NKAIN3: variants seen among roughly 807,000 people sequenced by gnomAD.
NKAIN3 encodes the protein sodium/potassium-transporting ATPase subunit beta-1-interacting protein 3.
NKAIN3 carries 25 observed loss-of-function variants against 30.2 expected under a neutral mutation model. The ratio of observed to expected loss-of-function variants is 0.83; its 90% CI spans 0.60 to 1.16. The LOEUF (loss-of-function observed/expected upper bound fraction) is 1.16, where lower values mean the gene tolerates loss of function less well. NKAIN3 is among the 50% of genes most tolerant of loss of function. The pLI is 0.00. For synonymous variants in NKAIN3, 91 were observed against 89.6 expected (o/e 1.02, Z -0.09); for missense variants, 225 against 254.1 (o/e 0.89, Z 0.78).
intron 1 of NKAIN3, among the ~76,000 whole-genome samples, chr8:62,358,625 A>T (rs1816435999): frequency 6.6e-6 from 1 of 152,210 alleles, no homozygotes. Context: ...GGATTCTCAG[A>T]CACAAATTGT....
At chr8:62,373,894 C>A (rs1270590265) in intron 1 of NKAIN3, among the ~76,000 whole-genome samples, 1 of 151,970 alleles carries the variant, frequency 6.6e-6, no homozygotes, top group East Asian at 1.9e-4. Flanking sequence ...AGGCAGATTT[C>A]CTGAGCTCAG....
chr8:62,572,066 C>T (rs1809961268), intron 1 of NKAIN3, among the ~76,000 whole-genome samples: 1 of 152,118 alleles, frequency 6.6e-6, no homozygotes, highest in Non-Finnish European at 1.5e-5. Flanking sequence ...ATGGGATTTT[C>T]TTTTCTATTG....
At chr8:62,433,415 T>C (rs572348115) in intron 1 of NKAIN3, among the ~76,000 whole-genome samples, 1 of 152,244 alleles carries the variant, frequency 6.6e-6, no homozygotes, top group African/African-American at 2.4e-5. Flanking sequence ...CAATCTCAAG[T>C]ATCAGTTTCT....
At chr8:62,296,843 G>A (rs1813847008) in intron 1 of NKAIN3, among the ~76,000 whole-genome samples, 4 of 152,014 alleles carry the variant, frequency 2.6e-5, no homozygotes, top group Admixed American at 2.0e-4. Flanking sequence ...ATTCCAATAT[G>A]TAGCCCTTGG....
At chr8:62,848,286 A>G (rs1355826879) in intron 4 of NKAIN3, among the ~76,000 whole-genome samples, 4 of 152,300 alleles carry the variant, frequency 2.6e-5, no homozygotes, top group East Asian at 1.9e-4. Flanking sequence ...TTTTCACGAT[A>G]TTGATTCTAT....
At chr8:62,881,337 C>G (rs1428229616) in intron 4 of NKAIN3, among the ~76,000 whole-genome samples, 3 of 152,182 alleles carry the variant, frequency 2.0e-5, no homozygotes, top group Admixed American at 1.3e-4. Flanking sequence ...TTTTACTATA[C>G]TCATATTTTT....
chr8:62,855,801 A>G (rs1820043827), intron 4 of NKAIN3: 1 of 997,012 alleles, frequency 1.0e-6, no homozygotes, highest in African/African-American at 1.6e-5. Context: ...AGCAAAGAGT[A>G]AAAAGACAAG....
In NKAIN3 at chr8:62,480,532, TA is replaced by T. The variant is rs59515372; in HGVS notation, c.55-98990del. ...GTTAGGAAGGAAGCAATGTTTGGATTAAAAAAAAAAAAAAAAAGGAATAGAG... is the reference window on the plus strand; with the variant it reads ...GTTAGGAAGGAAGCAATGTTTGGATTAAAAAAAAAAAAAAAAGGAATAGAG... On this transcript the variant is annotated intron_variant, in intron 1 of 6. Coordinates refer to ENST00000623646, the MANE Select transcript of NKAIN3 (RefSeq NM_001304533.3). Among the ~76,000 whole-genome samples, 1,179 of 137,464 alleles carry T rather than the reference TA, an allele frequency of 8.6e-3. 7 individuals are homozygous for T. The highest frequency in any genetic ancestry group is 0.026 in the African/African-American group (959 of 37,024). 90.2% of individuals were successfully genotyped at this position (137,464 alleles called of 152,430 possible).
chr8:62,934,868 G>T (rs1822733982), intron 5 of NKAIN3, among the ~76,000 whole-genome samples: 1 of 152,064 alleles, frequency 6.6e-6, no homozygotes, highest in Non-Finnish European at 1.5e-5. Context: ...AGCAATGCCA[G>T]TCAAAAGCTA....
chr8:62,661,145 C>T (rs6472039), intron 3 of NKAIN3, among the ~76,000 whole-genome samples: 73,231 of 152,044 alleles, frequency 0.48, 20,726 homozygotes, highest in African/African-American at 0.79. Context: ...GAAGCACGTA[C>T]GCCATCCTTC....
At chr8:62,285,272 T>C (rs1464434836) in intron 1 of NKAIN3, among the ~76,000 whole-genome samples, 1 of 152,158 alleles carries the variant, frequency 6.6e-6, no homozygotes, top group African/African-American at 2.4e-5. Context: ...AAATAATGCT[T>C]CTATTGGGTT....
chr8:62,779,449 CTGAG>C lies in NKAIN3; in HGVS notation c.471+32322_471+32325del, dbSNP rs1817289495. ...ATAAATGCTCCCTACATGGTGTCAGCTGAGTTTTTTCCAGTGTTGCTTTCCACTG... is the reference window on the plus strand; with the variant it reads ...ATAAATGCTCCCTACATGGTGTCAGCTTTTTTCCAGTGTTGCTTTCCACTG... On this transcript the variant is annotated intron_variant, in intron 4 of 6. Transcript: ENST00000623646. Among the ~76,000 whole-genome samples, 2 of 152,188 alleles carry C rather than the reference CTGAG, an allele frequency of 1.3e-5. 1 individual carries two copies. Among genetic ancestry groups the C allele is most frequent in the Admixed American group, 1.3e-4 (2 of 15,270 alleles).
chr8:62,988,672 T>C (rs1824255078), downstream of NKAIN3, among the ~76,000 whole-genome samples: 1 of 152,206 alleles, frequency 6.6e-6, no homozygotes, highest in Non-Finnish European at 1.5e-5. Flanking sequence ...CAGGAAACCA[T>C]TTGTTCCTTC....
chr8:62,869,279 A>T (rs1051751640), intron 4 of NKAIN3, among the ~76,000 whole-genome samples: 1 of 152,110 alleles, frequency 6.6e-6, no homozygotes, highest in Non-Finnish European at 1.5e-5. Context: ...CCCAGCATGC[A>T]TTAGATATTT....
chr8:62,263,425 G>T (rs1169350963), intron 1 of NKAIN3, among the ~76,000 whole-genome samples: 1 of 152,070 alleles, frequency 6.6e-6, no homozygotes, highest in Non-Finnish European at 1.5e-5. Context: ...TGGCCCAAAA[G>T]GAAAGGAAAA....
intron 4 of NKAIN3, chr8:62,856,337 G>T: frequency 1.1e-6 from 1 of 917,206 alleles, no homozygotes; most frequent in Non-Finnish European, 1.8e-6. Context: ...GCTTTAACCT[G>T]CTTAGTGCTT....
chr8:62,964,522 A>AAG (rs529053270), intron 6 of NKAIN3, among the ~76,000 whole-genome samples: 3,456 of 135,014 alleles, frequency 0.026, 73 homozygotes, highest in East Asian at 0.047. Context: ...CCAGTAGAGA[A>AAG]AGAGAGAGAG....
rs372260046 is a variant in NKAIN3 at position 62,262,650 on chromosome 8, A to G, written c.54+13523A>G. Among the ~76,000 whole-genome samples, 10 of 152,260 alleles carry G rather than the reference A, an allele frequency of 6.6e-5. No homozygotes were observed. In the East Asian group the frequency reaches 1.7e-3, roughly 26 times the overall value. On this transcript the variant is annotated intron_variant, in intron 1 of 6. Coordinates refer to ENST00000623646, the MANE Select transcript of NKAIN3 (RefSeq NM_001304533.3). ...AGGAGGCTTGCAAAGATCCCCTAAGAGTCTTTTCATCTACAAGAGAGCTGT... is the reference window on the plus strand; with the variant it reads ...AGGAGGCTTGCAAAGATCCCCTAAGGGTCTTTTCATCTACAAGAGAGCTGT...
At chr8:62,475,153 A>G (rs1806478601) in intron 1 of NKAIN3, among the ~76,000 whole-genome samples, 2 of 152,196 alleles carry the variant, frequency 1.3e-5, no homozygotes, top group South Asian at 4.1e-4. Context: ...AATAAAGACA[A>G]TGTGTTCCAC....
Sources: gnomAD v4.1 joint callset for allele counts (sites outside exome capture counted in the v4.1 genomes callset) on GRCh38, gnomAD v4.1.1 for gene constraint, MANE v1.5 for transcripts, NCBI Gene and HGNC (gene_info 2026-07-23, HGNC 2026-07-21) for gene names.